ACVR1B: variants seen among roughly 807,000 people sequenced by gnomAD.
ACVR1B encodes activin A receptor type 1B.
ACVR1B carries 15 observed loss-of-function variants against 55.6 expected under a neutral mutation model. The ratio of observed to expected loss-of-function variants is 0.27; its 90% confidence interval spans 0.18 to 0.42. ACVR1B has a LOEUF of 0.42. ACVR1B is among the 10% of genes least tolerant of loss of function. The pLI, the probability that ACVR1B is intolerant of heterozygous loss-of-function variation, is 1.00. For synonymous variants in ACVR1B, 247 were observed against 254.6 expected (o/e 0.97, Z 0.28); for missense variants, 359 against 670.1 (o/e 0.54, Z 5.13).
At position 51,970,700 on chromosome 12, in the gene ACVR1B, T is replaced by C. The variant is rs1458513178; in HGVS notation, c.92-4565T>C. Among the ~76,000 whole-genome samples the C allele has an allele frequency of 2.6e-5, 4 of 152,150 alleles. 1 individual carries two copies. Among genetic ancestry groups the C allele is most frequent in the African/African-American group, 9.7e-5 (4 of 41,438 alleles). ...GGGGCTGTTTGGTGAATTTCTCATC[T>C]GGAAAGAGTGCTGAGAAGCAGTTTA... On this transcript the variant is annotated intron_variant, in intron 1 of 8. Transcript: ENST00000257963.
At chr12:51,962,226 A>G (rs1002350251) in intron 1 of ACVR1B, among the ~76,000 whole-genome samples, 7 of 152,166 alleles carry the variant, frequency 4.6e-5, no homozygotes, top group Admixed American at 2.0e-4. Flanking sequence ...CTTTTCCCAG[A>G]TTGGAATTAA....
At chr12:51,992,796 C>A (rs1229202792) in intron 8 of ACVR1B, among the ~76,000 whole-genome samples, 6 of 152,034 alleles carry the variant, frequency 3.9e-5, no homozygotes, top group African/African-American at 1.4e-4. Context: ...TTGGGAGAGA[C>A]GGCAGATGAA....
At chr12:51,965,642 G>A (rs558800861) in intron 1 of ACVR1B, among the ~76,000 whole-genome samples, 3 of 152,240 alleles carry the variant, frequency 2.0e-5, no homozygotes, top group African/African-American at 4.8e-5. Flanking sequence ...ATCGTTCAGC[G>A]AGGTCCTTTC....
chr12:51,976,882 A>G (rs1442922263), intron 3 of ACVR1B, among the ~76,000 whole-genome samples: 4 of 152,208 alleles, frequency 2.6e-5, no homozygotes, highest in Admixed American at 2.6e-4. Flanking sequence ...CCACCTGAGC[A>G]GTGGAGTGCT....
intron 4 of ACVR1B, among the ~76,000 whole-genome samples, chr12:51,983,257 C>G (rs979779886): frequency 1.3e-5 from 2 of 152,202 alleles, no homozygotes; most frequent in African/African-American, 4.8e-5. Flanking sequence ...CTTTTTCTCC[C>G]TCCTCCTGCT....
chr12:51,952,450 C>G (rs925857966), intron 1 of ACVR1B, among the ~76,000 whole-genome samples: 1 of 152,276 alleles, frequency 6.6e-6, no homozygotes, highest in East Asian at 1.9e-4. Flanking sequence ...TCACTCAATC[C>G]CTTGAGTTCA....
At chr12:51,990,312 C>CTT (rs71092738) in intron 7 of ACVR1B, among the ~76,000 whole-genome samples, 3,468 of 89,448 alleles carry the variant, frequency 0.039, 275 homozygotes, top group African/African-American at 0.043. Context: ...AAATTTAGTG[C>CTT]TTTTTTTTTT....
rs2120676646 is a variant in ACVR1B at position 51,982,614 on chromosome 12, G to A, written c.812-1385G>A. On this transcript the variant is annotated intron_variant, in intron 4 of 8. Coordinates refer to ENST00000257963, the MANE Select transcript of ACVR1B (RefSeq NM_004302.5). ...GTGACATGACTTGCTCCTGTGGCAT[G>A]GTGCAATTTAGAAGTTAGTGTCTAC... 8.5e-6 allele frequency: 12 copies of A among 1,410,868 alleles called. No individual in the cohort carries two copies. In the South Asian group the frequency reaches 1.7e-4, roughly 20 times the overall value. The allele number at this position is 1,410,868 out of a possible 1,614,324, so 87.4% of individuals were successfully genotyped here. A position where few individuals can be genotyped will look rare whatever the true frequency, so the allele number is the denominator to read the frequency against.
chr12:51,954,467 A>G (rs1941371746), intron 1 of ACVR1B, among the ~76,000 whole-genome samples: 1 of 152,240 alleles, frequency 6.6e-6, no homozygotes, highest in Non-Finnish European at 1.5e-5. Context: ...TGAGCGGACT[A>G]AAAATCTAAT....
In ACVR1B at chr12:51,953,339, C is replaced by T. The variant is rs535443412; in HGVS notation, c.91+1505C>T. 182 of 985,366 alleles carry T rather than the reference C, an allele frequency of 1.8e-4. 1 individual carries two copies. The South Asian group carries it at 7.2e-3, about 39-fold the overall frequency. The allele number at this position is 985,366 out of a possible 1,614,324, so 61.0% of individuals were successfully genotyped here. A position where few individuals can be genotyped will look rare whatever the true frequency, so the allele number is the denominator to read the frequency against. ...TATCTCCGGCTTTGATATTTGTTCC[C>T]AGTGGTGGAGCCTGTGCAGCGGGGT... On this transcript the variant is annotated intron_variant, in intron 1 of 8. Transcript: ENST00000257963.
intron 3 of ACVR1B, 95 bp from the exon 4 acceptor site, chr12:51,980,874 A>G: frequency 1.0e-5 from 10 of 991,174 alleles, no homozygotes; most frequent in Non-Finnish European, 1.5e-5. Context: ...TGAAGACACC[A>G]TGTTAAGGGT....
chr12:51,962,811 G>T lies in ACVR1B; in HGVS notation c.91+10977G>T, dbSNP rs1026816538. 3.9e-5 allele frequency among the ~76,000 whole-genome samples: 6 copies of T among 152,334 alleles called. No homozygotes were observed. In the East Asian group the frequency reaches 9.6e-4, roughly 24 times the overall value. ...AAATGTAGAAATGTATATAAAGTGAGTAAAAGCTGAGCAACTCTGGCAGAG... is the reference window on the plus strand; with the variant it reads ...AAATGTAGAAATGTATATAAAGTGATTAAAAGCTGAGCAACTCTGGCAGAG... On this transcript the variant is annotated intron_variant, in intron 1 of 8. Coordinates refer to ENST00000257963, the MANE Select transcript of ACVR1B (RefSeq NM_004302.5).
At chr12:51,992,069 G>T (rs773816037) in intron 8 of ACVR1B, 76 bp downstream of exon 8, 149 of 1,600,090 alleles carry the variant, frequency 9.3e-5, no homozygotes, top group Non-Finnish European at 1.2e-4. Flanking sequence ...TGACAATGGG[G>T]TCAGGCCCCA....
intron 3 of ACVR1B, among the ~76,000 whole-genome samples, chr12:51,977,277 G>T (rs541642677): frequency 2.0e-5 from 3 of 152,202 alleles, no homozygotes; most frequent in South Asian, 2.1e-4. Flanking sequence ...GAATGCAAAA[G>T]AATTTTTTTA....
intron 7 of ACVR1B, among the ~76,000 whole-genome samples, chr12:51,990,968 C>T (rs919374336): frequency 6.6e-6 from 1 of 152,220 alleles, no homozygotes; most frequent in African/African-American, 2.4e-5. Flanking sequence ...AGGGGTTCCT[C>T]TGTCCTTCTG....
At chr12:51,952,402 C>T (rs1019081114) in intron 1 of ACVR1B, among the ~76,000 whole-genome samples, 8 of 152,182 alleles carry the variant, frequency 5.3e-5, no homozygotes, top group African/African-American at 1.9e-4. Flanking sequence ...CCTCCACTGC[C>T]TCCCTAATGT....
At chr12:51,982,673 C>G in intron 4 of ACVR1B, 1 of 1,511,460 alleles carries the variant, frequency 6.6e-7, no homozygotes, top group Non-Finnish European at 8.8e-7. Context: ...GTTTTTCATT[C>G]CTGAAACAAC....
rs1942040486 is a variant in ACVR1B at position 51,984,407 on chromosome 12, T to C, written c.979+241T>C. On this transcript the variant is annotated intron_variant, in intron 5 of 8. Coordinates refer to ENST00000257963, the MANE Select transcript of ACVR1B (RefSeq NM_004302.5). ...CCCTATAATATCAATATTCAGCTAC[T>C]TGTCAATCAGTGGCTTGACATAGTC... 2.6e-5 allele frequency among the ~76,000 whole-genome samples: 4 copies of C among 152,210 alleles called. No individual in the cohort carries two copies. In the South Asian group the frequency reaches 8.3e-4, roughly 31 times the overall value.
intron 1 of ACVR1B, among the ~76,000 whole-genome samples, chr12:51,969,956 T>C (rs1016616274): frequency 3.3e-5 from 5 of 152,184 alleles, no homozygotes; most frequent in Admixed American, 6.5e-5. Flanking sequence ...ACTTCCATAA[T>C]ATTGGTAGAG....
Sources: allele counts gnomAD v4.1 joint callset (sites outside exome capture counted in the v4.1 genomes callset), GRCh38; gene constraint gnomAD v4.1.1; transcripts MANE v1.5; gene names NCBI Gene and HGNC (gene_info 2026-07-23, HGNC 2026-07-21).